Variants in GNA15 observed in about 807,000 individuals in gnomAD.
The protein encoded by GNA15 is G protein subunit alpha 15.
GNA15 carries 23 observed loss-of-function variants against 40.1 expected under a neutral mutation model. The observed-to-expected ratio is 0.57, with a 90% CI of 0.41 to 0.81. The LOEUF is 0.81. Ranked by LOEUF, GNA15 falls within the 40% of genes least tolerant of loss-of-function variation. The pLI is 0.00. For synonymous variants in GNA15, 226 were observed against 210.4 expected, an observed-to-expected ratio of 1.07 and a Z score of -0.64; for missense variants, 522 against 515.8, an observed-to-expected ratio of 1.01 and a Z score of -0.12.
intron 4 of GNA15, among the ~76,000 whole-genome samples, chr19:3,153,169 C>T (rs1914920009): frequency 6.6e-6 from 1 of 151,662 alleles, no homozygotes; most frequent in Admixed American, 6.6e-5. Flanking sequence ...ACCGAGAACC[C>T]ACGAGAAGGA....
chr19:3,150,294 G>A lies in GNA15; in HGVS notation c.485+9G>A, dbSNP rs777192623. 1 of 1,550,254 alleles carries A rather than the reference G, an allele frequency of 6.5e-7. No homozygotes were observed. The highest frequency in any genetic ancestry group is 8.7e-7 in the Non-Finnish European group (1 of 1,148,050). On this transcript the variant is annotated intron_variant, in intron 3 of 6. Transcript: ENST00000262958. ...CTCGATTCAGCCGTGTAGTGAGTCT[G>A]GGGTCTGCGGGGGATGGGCGCGTGG...
At chr19:3,139,598 C>CTAA (rs1914529536) in intron 1 of GNA15, among the ~76,000 whole-genome samples, 1 of 105,348 alleles carries the variant, frequency 9.5e-6, no homozygotes, top group African/African-American at 3.7e-5. Flanking sequence ...GACTCTGTCT[C>CTAA]AAAAAAAAAA....
intron 1 of GNA15, among the ~76,000 whole-genome samples, chr19:3,144,669 C>T (rs1180151505): frequency 6.6e-6 from 1 of 151,102 alleles, no homozygotes; most frequent in Non-Finnish European, 1.5e-5. Flanking sequence ...GCTGGAACTA[C>T]AGGCGCCCGC....
At chr19:3,156,207 AG>A (rs67545952) in intron 5 of GNA15, among the ~76,000 whole-genome samples, 23,014 of 62,348 alleles carry the variant, frequency 0.37, 2,894 homozygotes, top group African/African-American at 0.56. Context: ...CACACACTAC[AG>A]TGCACACACG....
chr19:3,140,569 T>C (rs1599318687), intron 1 of GNA15, among the ~76,000 whole-genome samples: 2 of 152,132 alleles, frequency 1.3e-5, no homozygotes, highest in African/African-American at 4.8e-5. Flanking sequence ...CTTACTCTGT[T>C]TGATTTTTCT....
intron 1 of GNA15, among the ~76,000 whole-genome samples, chr19:3,143,847 G>A (rs573165487): frequency 5.9e-5 from 9 of 151,646 alleles, no homozygotes; most frequent in Non-Finnish European, 1.2e-4. Flanking sequence ...TTGGCCAGGC[G>A]CAGTGGCTCA....
intron 5 of GNA15, among the ~76,000 whole-genome samples, chr19:3,156,428 CATGCACACACACAGT>C (rs1915025861): frequency 1.3e-5 from 2 of 151,400 alleles, no homozygotes; most frequent in African/African-American, 4.9e-5. Context: ...TGAACACACA[CATGCACACACACAGT>C]ACACACATGC....
chr19:3,151,661 G>A lies in GNA15; in HGVS notation c.486-46G>A, dbSNP rs770247117. 4 of 1,515,824 alleles carry A rather than the reference G, an allele frequency of 2.6e-6. No individual in the cohort carries two copies. The Admixed American group carries it at 8.4e-5, about 32-fold the overall frequency. 93.9% of individuals were successfully genotyped at this position (1,515,824 alleles called of 1,614,324 possible). On this transcript the variant is annotated intron_variant, in intron 3 of 6. Coordinates refer to ENST00000262958, the MANE Select transcript of GNA15 (RefSeq NM_002068.4). The surrounding 1 kb of genome is among the most constrained non-coding windows in gnomAD (Gnocchi z 5.0). ...CCTTTCGTAGGGCCTGGGAAGCAAA[G>A]GGAGGCTGGCTGCAAGGCTGGGCCT...
chr19:3,140,509 G>A (rs983839433), intron 1 of GNA15, among the ~76,000 whole-genome samples: 1 of 152,094 alleles, frequency 6.6e-6, no homozygotes, highest in Admixed American at 6.6e-5. Context: ...CCTCAGAGAA[G>A]TCTTCCCTGA....
intron 5 of GNA15, among the ~76,000 whole-genome samples, chr19:3,156,407 GCGCACACACA>G (rs1163968096): frequency 6.7e-5 from 10 of 148,350 alleles, no homozygotes; most frequent in Admixed American, 4.7e-4. Flanking sequence ...ATGTACACAT[GCGCACACACA>G]TGAACACACA....
Position 3,163,344 on chromosome 19 carries a change from C to T in GNA15, c.*325C>T. 2.6e-6 allele frequency: 1 copy of T among 387,550 alleles called. No homozygotes were observed. Among genetic ancestry groups the T allele is most frequent in the Non-Finnish European group, 4.8e-6 (1 of 206,586 alleles). 24.0% of individuals were successfully genotyped at this position (387,550 alleles called of 1,614,324 possible). A position where few individuals can be genotyped will look rare whatever the true frequency, so the allele number is the denominator to read the frequency against. On this transcript the variant is annotated 3_prime_UTR_variant, in exon 7 of 7. Coordinates refer to ENST00000262958, the MANE Select transcript of GNA15 (RefSeq NM_002068.4). ...GGTGGGTGGGCATCTCTCAGGAGCC[C>T]CATCTCCGGGCGTGTCACCTCCTGG... is the stretch of plus-strand genomic sequence containing the variant.
chr19:3,151,630 G>T lies in GNA15; in HGVS notation c.486-77G>T. On this transcript the variant is annotated intron_variant, in intron 3 of 6. Transcript: ENST00000262958. The surrounding 1 kb of genome is among the most constrained non-coding windows in gnomAD (Gnocchi z 5.0). ...GCTCTCCTCCCCCAGCAGGGTCCTT[G>T]CTGGGCCTTTCGTAGGGCCTGGGAA... 1 of 1,428,880 alleles carries T rather than the reference G, an allele frequency of 7.0e-7. No homozygotes were observed. Among genetic ancestry groups the T allele is most frequent in the South Asian group, 1.5e-5 (1 of 66,884 alleles). The allele number at this position is 1,428,880 out of a possible 1,614,324, so 88.5% of individuals were successfully genotyped here.
In GNA15 at chr19:3,151,509, C is replaced by T. The variant is rs982847442; in HGVS notation, c.486-198C>T. ...CCATCCCTCGGGTCACCCTGCTCTG[C>T]GTGTGAAGCTGCTTTTCCTTGGGGC... On this transcript the variant is annotated intron_variant, in intron 3 of 6. Coordinates refer to ENST00000262958, the MANE Select transcript of GNA15 (RefSeq NM_002068.4). This position sits in a 1 kb window ranked among gnomAD's most constrained non-coding sequence, Gnocchi z 5.0. Among the ~76,000 whole-genome samples, 3 of 152,134 alleles carry T rather than the reference C, an allele frequency of 2.0e-5. No individual in the cohort carries two copies. Among genetic ancestry groups the T allele is most frequent in the East Asian group, 1.9e-4 (1 of 5,186 alleles).
intron 1 of GNA15, among the ~76,000 whole-genome samples, chr19:3,144,805 G>A (rs1243991668): frequency 2.0e-5 from 3 of 150,548 alleles, no homozygotes; most frequent in African/African-American, 7.4e-5. Context: ...TGAGATTACA[G>A]GCGTGAGCCA....
At position 3,163,214 on chromosome 19, in the gene GNA15, C is replaced by T. The variant is rs977366492; in HGVS notation, c.*195C>T. 10 of 589,280 alleles carry T rather than the reference C, an allele frequency of 1.7e-5. No individual in the cohort carries two copies. The East Asian group carries it at 2.8e-4, about 17-fold the overall frequency. 36.5% of individuals were successfully genotyped at this position (589,280 alleles called of 1,614,324 possible). On this transcript the variant is annotated 3_prime_UTR_variant, in exon 7 of 7. Transcript: ENST00000262958. ...CAGCCGCCCCCCAGGGTACTCCTGCCCTTGCTTGACTCAGTTTCCCTCCTT... is the reference window on the plus strand; with the variant it reads ...CAGCCGCCCCCCAGGGTACTCCTGCTCTTGCTTGACTCAGTTTCCCTCCTT...
rs1914878858 is a variant in GNA15, at chr19:3,151,443, G to A, written c.486-264G>A. Among the ~76,000 whole-genome samples the A allele has an allele frequency of 1.3e-5, 2 of 152,090 alleles. No individual in the cohort carries two copies. The highest frequency in any genetic ancestry group is 1.5e-5 in the Non-Finnish European group (1 of 67,970). ...CCACCCCTGCCATAGCAGCTCTCCC[G>A]GGGGACACCACTCCTCGATGAGGCC... On this transcript the variant is annotated intron_variant, in intron 3 of 6. Coordinates refer to ENST00000262958, the MANE Select transcript of GNA15 (RefSeq NM_002068.4). The surrounding 1 kb of genome is among the most constrained non-coding windows in gnomAD (Gnocchi z 5.0).
At chr19:3,160,674 C>T (rs942652258) in intron 6 of GNA15, among the ~76,000 whole-genome samples, 2 of 152,154 alleles carry the variant, frequency 1.3e-5, no homozygotes, top group African/African-American at 4.8e-5. Flanking sequence ...AACTGGGTGG[C>T]TTAAAACAAC....
intron 5 of GNA15, among the ~76,000 whole-genome samples, chr19:3,156,202 ACTACAG>A (rs1339499158): frequency 4.1e-4 from 59 of 143,338 alleles, no homozygotes; most frequent in African/African-American, 1.5e-3. Flanking sequence ...ACACACACAC[ACTACAG>A]TGCACACACG....
chr19:3,158,839 T>C (rs531829182), intron 6 of GNA15, among the ~76,000 whole-genome samples: 2 of 152,202 alleles, frequency 1.3e-5, no homozygotes, highest in South Asian at 4.1e-4. Context: ...TTTCACCATG[T>C]TGGTCAGGCT....
Sources: gnomAD v4.1 joint callset for allele counts (sites outside exome capture counted in the v4.1 genomes callset) on GRCh38, gnomAD v4.1.1 for gene constraint, Gnocchi (gnomAD v3.1) non-coding constraint, MANE v1.5 for transcripts, NCBI Gene and HGNC (gene_info 2026-07-23, HGNC 2026-07-21) for gene names.